Variants in PTPRD observed in about 807,000 individuals in gnomAD.
PTPRD encodes receptor-type tyrosine-protein phosphatase delta.
A neutral mutation model predicts 214.5 loss-of-function variants in PTPRD; 34 were observed. The ratio of observed to expected loss-of-function variants is 0.16; its 90% confidence interval spans 0.12 to 0.21. The LOEUF is 0.21. Ranked by LOEUF, PTPRD falls within the 10% of genes least tolerant of loss-of-function variation. The probability of loss-of-function intolerance (pLI) is 1.00; values close to 1 mark genes in which losing one functional copy is unlikely to be tolerated. For missense variants in PTPRD, 2,545 were observed against 2,398.7 expected, an observed-to-expected ratio of 1.06 and a Z score of -1.27; for synonymous variants, 1,128 against 845.7, an observed-to-expected ratio of 1.33 and a Z score of -5.79.
chr9:9,562,774 C>T lies in PTPRD; in HGVS notation c.-237+11958G>A, dbSNP rs190816979. Among the ~76,000 whole-genome samples the T allele has an allele frequency of 2.8e-3, 419 of 152,172 alleles. 5 individuals are homozygous for T. The highest frequency in any genetic ancestry group is 7.0e-3 in the South Asian group (34 of 4,826). On this transcript the variant is annotated intron_variant, in intron 8 of 45. Coordinates refer to ENST00000381196, the MANE Select transcript of PTPRD (RefSeq NM_002839.4). ...TACAATTATATTTCTACCCACCCCA[C>T]ATCTCCTTATCCCCAAATCTCCTAT...
intron 39 of PTPRD, among the ~76,000 whole-genome samples, chr9:8,361,234 A>G (rs981757263): frequency 2.6e-5 from 4 of 152,240 alleles, no homozygotes; most frequent in Non-Finnish European, 5.9e-5. Flanking sequence ...TCACAGATTA[A>G]AAGAAAAATT....
intron 11 of PTPRD, among the ~76,000 whole-genome samples, chr9:8,760,913 C>G (rs73423013): frequency 0.046 from 7,073 of 152,190 alleles, 403 homozygotes; most frequent in African/African-American, 0.14. Context: ...AGTAGTTCCA[C>G]TTCTATTTCT....
Position 10,393,537 on chromosome 9 carries a change from T to C in PTPRD, c.-599-52520A>G, listed in dbSNP as rs1334186959. On this transcript the variant is annotated intron_variant, in intron 2 of 45. Transcript: ENST00000381196. ...CAGGTATGATGACTCATGCCTCTAA[T>C]CCCAGCACTTTGGGAAGCCAAGGAG... Among the ~76,000 whole-genome samples, 3 of 151,254 alleles carry C rather than the reference T, an allele frequency of 2.0e-5. No homozygotes were observed. In the South Asian group the frequency reaches 6.2e-4, roughly 31 times the overall value.
At chr9:9,511,487 G>T (rs1342724365) in intron 8 of PTPRD, among the ~76,000 whole-genome samples, 1 of 151,610 alleles carries the variant, frequency 6.6e-6, no homozygotes, top group African/African-American at 2.4e-5. Context: ...AATACATATT[G>T]TTTGCCTAAC....
intron 7 of PTPRD, among the ~76,000 whole-genome samples, chr9:9,627,671 A>G (rs1219215030): frequency 6.6e-6 from 1 of 152,108 alleles, no homozygotes; most frequent in Non-Finnish European, 1.5e-5. Context: ...AAAGACTAAT[A>G]GGAGACAGTG....
At chr9:9,887,486 T>C (rs1306835695) in intron 5 of PTPRD, among the ~76,000 whole-genome samples, 1 of 152,076 alleles carries the variant, frequency 6.6e-6, no homozygotes, top group Non-Finnish European at 1.5e-5. Context: ...GGACCACACA[T>C]TTGGAAGGAG....
intron 8 of PTPRD, among the ~76,000 whole-genome samples, chr9:9,418,324 T>A (rs1385667773): frequency 1.3e-5 from 2 of 152,012 alleles, no homozygotes; most frequent in Non-Finnish European, 2.9e-5. Context: ...CTAAAATGAA[T>A]CTAGCCCAGA....
At chr9:10,160,896 A>C (rs1211250218) in intron 3 of PTPRD, among the ~76,000 whole-genome samples, 1 of 152,002 alleles carries the variant, frequency 6.6e-6, no homozygotes, top group Non-Finnish European at 1.5e-5. Flanking sequence ...TCAACATCCA[A>C]AAATCAGTAG....
chr9:10,240,452 T>C (rs901300493), intron 3 of PTPRD, among the ~76,000 whole-genome samples: 1 of 151,902 alleles, frequency 6.6e-6, no homozygotes, highest in Non-Finnish European at 1.5e-5. Context: ...GAAAAGAGAA[T>C]GAAAGCTGGG....
At chr9:8,938,345 CA>C (rs1363777777) in intron 11 of PTPRD, among the ~76,000 whole-genome samples, 1 of 151,914 alleles carries the variant, frequency 6.6e-6, no homozygotes, top group Non-Finnish European at 1.5e-5. Context: ...GAAATGAATT[CA>C]AAACACAGCT....
chr9:9,864,175 G>A (rs943510593), intron 5 of PTPRD, among the ~76,000 whole-genome samples: 8 of 152,068 alleles, frequency 5.3e-5, no homozygotes, highest in South Asian at 4.1e-4. Context: ...GTGTGGTGGC[G>A]GGTGCCCGCA....
chr9:8,854,421 G>T (rs1001998881), intron 11 of PTPRD, among the ~76,000 whole-genome samples: 6 of 152,140 alleles, frequency 3.9e-5, no homozygotes, highest in Non-Finnish European at 5.9e-5. Flanking sequence ...TTGTGTTAAT[G>T]AATTCTTAAT....
At chr9:9,830,917 T>C (rs1433507814) in intron 5 of PTPRD, among the ~76,000 whole-genome samples, 2 of 151,924 alleles carry the variant, frequency 1.3e-5, no homozygotes, top group African/African-American at 4.8e-5. Flanking sequence ...CAACGTAAAA[T>C]GTATTGTAGG....
At chr9:9,667,918 G>A (rs977589777) in intron 7 of PTPRD, among the ~76,000 whole-genome samples, 4 of 152,174 alleles carry the variant, frequency 2.6e-5, no homozygotes, top group Admixed American at 2.6e-4. Flanking sequence ...TCTTAGCAAT[G>A]GAACAATTAC....
chr9:8,665,220 A>G (rs2097147320), intron 12 of PTPRD, among the ~76,000 whole-genome samples: 2 of 152,220 alleles, frequency 1.3e-5, no homozygotes, highest in Non-Finnish European at 2.9e-5. Context: ...TGAAAAACAG[A>G]AACAAATATT....
At chr9:10,538,375 T>G (rs10156436) in intron 2 of PTPRD, among the ~76,000 whole-genome samples, 1 of 151,416 alleles carries the variant, frequency 6.6e-6, no homozygotes, top group Non-Finnish European at 1.5e-5. Flanking sequence ...TTGTTCATAT[T>G]TCCCCCTCTC....
At chr9:9,063,696 G>A (rs989176212) in intron 10 of PTPRD, among the ~76,000 whole-genome samples, 5 of 152,238 alleles carry the variant, frequency 3.3e-5, no homozygotes, top group East Asian at 1.9e-4. Flanking sequence ...TTAGCTTAGT[G>A]TAGCATATGA....
chr9:10,494,838 C>G (rs2041543606), intron 2 of PTPRD, among the ~76,000 whole-genome samples: 1 of 150,814 alleles, frequency 6.6e-6, no homozygotes, highest in Non-Finnish European at 1.5e-5. Context: ...TAATTTTATT[C>G]CTAAAAATTC....
intron 10 of PTPRD, among the ~76,000 whole-genome samples, chr9:9,038,478 G>A (rs2099628914): frequency 6.6e-6 from 1 of 151,550 alleles, no homozygotes; most frequent in Non-Finnish European, 1.5e-5. Flanking sequence ...TACACAAACT[G>A]AGCATGTACA....
Sources: allele counts gnomAD v4.1 joint callset (sites outside exome capture counted in the v4.1 genomes callset), GRCh38; gene constraint gnomAD v4.1.1; transcripts MANE v1.5; gene names NCBI Gene and HGNC (gene_info 2026-07-23, HGNC 2026-07-21).